The following NACC1 variants were observed in gnomAD, a reference collection of about 807,000 sequenced individuals.
NACC1 encodes nucleus accumbens-associated protein 1.
A neutral mutation model predicts 41.7 loss-of-function variants in NACC1; 6 were observed. The observed-to-expected ratio is 0.14, with a 90% confidence interval of 0.08 to 0.28. NACC1 has a LOEUF of 0.28. NACC1 is among the 10% of genes least tolerant of loss of function. The pLI is 1.00. For missense variants in NACC1, 434 were observed against 763.7 expected, an observed-to-expected ratio of 0.57 and a Z score of 5.09; for synonymous variants, 338 against 330.6, an observed-to-expected ratio of 1.02 and a Z score of -0.24.
chr19:13,136,430 C>T lies in NACC1; in HGVS notation c.1120+25C>T, dbSNP rs368924981. On this transcript the variant is annotated intron_variant, in intron 3 of 5. Transcript: ENST00000292431. This position sits in a 1 kb window ranked among gnomAD's most constrained non-coding sequence, Gnocchi z 5.5. The stretch of plus-strand genomic sequence containing the variant: ...GGTGGGCCGGTCTCGCCCCAGATCT[C>T]TCCCCTCCGCAGCTTTGGAGCCGGC... 1.9e-6 allele frequency: 3 copies of T among 1,592,052 alleles called. No homozygotes were observed.
In NACC1 at chr19:13,138,819, GC is replaced by G. The variant is rs2019744716; in HGVS notation, c.*417del. On this transcript the variant is annotated 3_prime_UTR_variant, in exon 6 of 6. Transcript: ENST00000292431. This position sits in a 1 kb window ranked among gnomAD's most constrained non-coding sequence, Gnocchi z 5.7. Reference sequence around the variant, plus strand: ...TGCAGCCCCTTGGGACTTGAGGGGGGCCCCAGGGGTTCTCAGGACCCCTCCC... The same window carrying G: ...TGCAGCCCCTTGGGACTTGAGGGGGGCCCAGGGGTTCTCAGGACCCCTCCC... 1 of 194,308 alleles carries G rather than the reference GC, an allele frequency of 5.1e-6. No homozygotes were observed. Among genetic ancestry groups the G allele is most frequent in the Non-Finnish European group, 1.1e-5 (1 of 92,880 alleles). The allele number at this position is 194,308 out of a possible 1,614,324, so 12.0% of individuals were successfully genotyped here.
Position 13,141,048 on chromosome 19 carries a change from C to T in NACC1, c.*2642C>T, listed in dbSNP as rs550341399. 6.5e-6 allele frequency: 1 copy of T among 152,688 alleles called. No homozygotes were observed. Among genetic ancestry groups the T allele is most frequent in the East Asian group, 1.9e-4 (1 of 5,184 alleles). The allele number at this position is 152,688 out of a possible 1,614,324, so 9.5% of individuals were successfully genotyped here. A position where few individuals can be genotyped will look rare whatever the true frequency, so the allele number is the denominator to read the frequency against. ...CTCCCTGGGCCCCCAAGTGAGATTG[C>T]ACATTTAACTACTGTAAGGAGAGGA... is the stretch of plus-strand genomic sequence containing the variant. On this transcript the variant is annotated 3_prime_UTR_variant, in exon 6 of 6. Coordinates refer to ENST00000292431, the MANE Select transcript of NACC1 (RefSeq NM_052876.4).
rs1231739820 is a variant in NACC1 at position 13,136,185 on chromosome 19, G to A, written c.946+32G>A. 1 of 1,601,768 alleles carries A rather than the reference G, an allele frequency of 6.2e-7. No individual in the cohort carries two copies. Among genetic ancestry groups the A allele is most frequent in the Non-Finnish European group, 8.5e-7 (1 of 1,173,088 alleles). The stretch of plus-strand genomic sequence containing the variant: ...TGCCGTCCTGTCCCCCATCCCACCA[G>A]CCACCCCTGCTCCTCCTGCCACTCG... On this transcript the variant is annotated intron_variant, in intron 2 of 5. Transcript: ENST00000292431. The surrounding 1 kb of genome is among the most constrained non-coding windows in gnomAD (Gnocchi z 5.5).
intron 1 of NACC1, among the ~76,000 whole-genome samples, chr19:13,125,283 C>G (rs1281900973): frequency 6.6e-6 from 1 of 152,168 alleles, no homozygotes; most frequent in Admixed American, 6.6e-5. Context: ...GCCCATCTCT[C>G]ATAGATAGCA....
At position 13,137,335 on chromosome 19, in the gene NACC1, C is replaced by G; in HGVS notation, c.1185C>G (p.His395Gln). ...MNCHVSAGTR[H>Q]KVLLRRLLAS... ...GCCACGTCAGCGCAGGCACGCGGCA[C>G]AAGGTCCTACTGCGGCGGCTCCTGG... is the stretch of plus-strand genomic sequence containing the variant. The change falls in exon 4 of 6, where the codon CAC becomes CAG. Residue 395 changes from histidine to glutamine, a missense_variant. His to Gln is a conservative substitution (Grantham distance 24). Coordinates refer to ENST00000292431, the MANE Select transcript of NACC1 (RefSeq NM_052876.4). This position sits in a 1 kb window ranked among gnomAD's most constrained non-coding sequence, Gnocchi z 6.1. 3.1e-6 allele frequency: 5 copies of G among 1,613,982 alleles called. No individual in the cohort carries two copies. The highest frequency in any genetic ancestry group is 4.2e-6 in the Non-Finnish European group (5 of 1,179,982).
chr19:13,118,072 T>A (rs2019417152), upstream of NACC1: 1 of 152,096 alleles, frequency 6.6e-6, no homozygotes, highest in South Asian at 2.1e-4. Context: ...ATTCGAACCA[T>A]CGAGCTGAGC....
chr19:13,130,117 C>G (rs1037352207), intron 1 of NACC1, among the ~76,000 whole-genome samples: 11 of 152,038 alleles, frequency 7.2e-5, no homozygotes, highest in Non-Finnish European at 1.2e-4. Flanking sequence ...CGCTCTATGA[C>G]CCAGGCTGAA....
chr19:13,134,913 TATGA>T, intron 1 of NACC1, among the ~76,000 whole-genome samples: 1 of 152,252 alleles, frequency 6.6e-6, no homozygotes, highest in East Asian at 1.9e-4. Flanking sequence ...TTCAAGTACA[TATGA>T]ATAAGTATGC....
At chr19:13,127,657 G>A (rs1226594571) in intron 1 of NACC1, among the ~76,000 whole-genome samples, 1 of 151,340 alleles carries the variant, frequency 6.6e-6, no homozygotes, top group Non-Finnish European at 1.5e-5. Flanking sequence ...ACTCCAGCCT[G>A]GGCGACAGAG....
At chr19:13,123,354 G>A (rs2019523523) in intron 1 of NACC1, among the ~76,000 whole-genome samples, 1 of 152,180 alleles carries the variant, frequency 6.6e-6, no homozygotes. Flanking sequence ...GCTCCATGAG[G>A]ACGGAGGCAG....
intron 1 of NACC1, chr19:13,131,653 A>G (rs2019635871): frequency 2.0e-5 from 3 of 152,118 alleles, no homozygotes; most frequent in Non-Finnish European, 2.9e-5. Flanking sequence ...GATTGCCCTA[A>G]GGAGGTTTTG....
rs1447954529 is a variant in NACC1 at position 13,137,648 on chromosome 19, C to G, written c.1324+73C>G. 3 of 1,283,324 alleles carry G rather than the reference C, an allele frequency of 2.3e-6. No homozygotes were observed. Among genetic ancestry groups the G allele is most frequent in the Non-Finnish European group, 3.3e-6 (3 of 917,598 alleles). The allele number at this position is 1,283,324 out of a possible 1,614,324, so 79.5% of individuals were successfully genotyped here. ...TTGACGTTTTTTCCCAGCCTTGGCT[C>G]TCAGAGAGGGCTAGAGTTCAGTGTT... On this transcript the variant is annotated intron_variant, in intron 5 of 5. Coordinates refer to ENST00000292431, the MANE Select transcript of NACC1 (RefSeq NM_052876.4). The surrounding 1 kb of genome is among the most constrained non-coding windows in gnomAD (Gnocchi z 6.1).
chr19:13,123,344 G>C (rs1263501638), intron 1 of NACC1, among the ~76,000 whole-genome samples: 3 of 152,172 alleles, frequency 2.0e-5, no homozygotes, highest in African/African-American at 7.2e-5. Flanking sequence ...CAGGCTGCGA[G>C]CTCCATGAGG....
intron 1 of NACC1, among the ~76,000 whole-genome samples, chr19:13,133,672 C>G (rs976631618): frequency 6.6e-6 from 1 of 152,174 alleles, no homozygotes; most frequent in African/African-American, 2.4e-5. Flanking sequence ...CCCATCCATC[C>G]GCAGATGGAC....
In NACC1 at chr19:13,137,147, G is replaced by A. The variant is rs1428917309; in HGVS notation, c.1121-124G>A. 1.1e-6 allele frequency: 1 copy of A among 882,588 alleles called. No homozygotes were observed. The highest frequency in any genetic ancestry group is 2.5e-5 in the East Asian group (1 of 39,690). The allele number at this position is 882,588 out of a possible 1,614,324, so 54.7% of individuals were successfully genotyped here. ...GATGTAGGGGAGAAGGTCCCTGGGT[G>A]AGTTTTCTTGGGACCCAGAGCCCAG... On this transcript the variant is annotated intron_variant, in intron 3 of 5. Transcript: ENST00000292431. This position sits in a 1 kb window ranked among gnomAD's most constrained non-coding sequence, Gnocchi z 6.1.
chr19:13,136,901 G>A lies in NACC1; in HGVS notation c.1121-370G>A, dbSNP rs1243379742. Among the ~76,000 whole-genome samples the A allele has an allele frequency of 2.0e-5, 3 of 152,182 alleles. No homozygotes were observed. Among genetic ancestry groups the A allele is most frequent in the Admixed American group, 2.0e-4 (3 of 15,282 alleles). On this transcript the variant is annotated intron_variant, in intron 3 of 5. Transcript: ENST00000292431. The surrounding 1 kb of genome is among the most constrained non-coding windows in gnomAD (Gnocchi z 5.5). ...GACTGTGTTTGGTCCTTGGGTCAGA[G>A]TGCCTAGGTGTGAGCCTCCACTCCC...
intron 1 of NACC1, among the ~76,000 whole-genome samples, chr19:13,130,161 C>CT (rs1393959265): frequency 6.6e-6 from 1 of 152,146 alleles, no homozygotes; most frequent in East Asian, 1.9e-4. Context: ...ACTGCAGCCT[C>CT]TAACTTTTTG....
chr19:13,118,256 C>T (rs2019423026), upstream of NACC1: 1 of 149,476 alleles, frequency 6.7e-6, no homozygotes, highest in African/African-American at 2.4e-5. Flanking sequence ...GGCTTGCGCT[C>T]GCTCGGCGCT....
intron 1 of NACC1, among the ~76,000 whole-genome samples, chr19:13,126,081 G>C (rs1317555269): frequency 6.1e-5 from 9 of 146,802 alleles, no homozygotes; most frequent in Non-Finnish European, 7.4e-5. Context: ...GTCTTGCTCT[G>C]TCACCAGGCT....
Sources: gnomAD v4.1 joint callset for allele counts (sites outside exome capture counted in the v4.1 genomes callset) on GRCh38, gnomAD v4.1.1 for gene constraint, Gnocchi (gnomAD v3.1) non-coding constraint, MANE v1.5 for transcripts, NCBI Gene and HGNC (gene_info 2026-07-23, HGNC 2026-07-21) for gene names.